ACOXL: variants seen among roughly 807,000 people sequenced by gnomAD.
ACOXL encodes acyl-coenzyme A oxidase-like protein.
In ACOXL, 70 loss-of-function variants were observed where a neutral mutation model predicts 71.9. The ratio of observed to expected loss-of-function variants is 0.97; its 90% CI spans 0.80 to 1.19. The LOEUF (loss-of-function observed/expected upper bound fraction) is 1.19, where lower values mean the gene tolerates loss of function less well. Ranked by LOEUF, ACOXL falls within the 50% of genes most tolerant of loss-of-function variation. The pLI is 0.00. For missense variants in ACOXL, 703 were observed against 736.3 expected (o/e 0.95, Z 0.52); for synonymous variants, 253 against 281.6 (o/e 0.90, Z 1.02).
intron 1 of ACOXL, among the ~76,000 whole-genome samples, chr2:110,736,164 G>T (rs1477470335): frequency 2.0e-5 from 3 of 152,096 alleles, no homozygotes; most frequent in Non-Finnish European, 4.4e-5. Flanking sequence ...AAATAATTTG[G>T]ACAACTTGAA....
chr2:110,798,554 G>A, intron 5 of ACOXL, 56 bp from the exon 6 acceptor site: 2 of 1,411,338 alleles, frequency 1.4e-6, no homozygotes, highest in Non-Finnish European at 2.0e-6. Context: ...TTTGAGCCAG[G>A]GAGTTGAAAT....
chr2:110,799,021 C>G lies in ACOXL; in HGVS notation c.468C>G (p.His156Gln). Reference sequence around the variant, plus strand: ...TCTCGATGCCTTCCTTAGGGCCCCACTGTTTCATCGTTCCTGTCCGGGATG... The same window carrying G: ...TCTCGATGCCTTCCTTAGGGCCCCAGTGTTTCATCGTTCCTGTCCGGGATG... ...LIIDGRSQGP[H>Q]CFIVPVRDEN... is the part of the protein sequence containing the mutation. The change falls in exon 7 of 18, where the codon CAC (histidine) becomes CAG (glutamine). Residue 156 changes from histidine to glutamine, a missense_variant. Transcript: ENST00000439055. 1 of 1,614,002 alleles carries G rather than the reference C, an allele frequency of 6.2e-7. No individual in the cohort carries two copies. Among genetic ancestry groups the G allele is most frequent in the Admixed American group, 1.7e-5 (1 of 60,010 alleles).
chr2:110,962,875 A>G (rs1243185563), intron 12 of ACOXL, among the ~76,000 whole-genome samples: 1 of 152,180 alleles, frequency 6.6e-6, no homozygotes, highest in East Asian at 1.9e-4. Flanking sequence ...ACGGGGGAGC[A>G]ATTCTGGATA....
At chr2:110,893,621 A>G (rs1036310874) in intron 10 of ACOXL, among the ~76,000 whole-genome samples, 1 of 152,190 alleles carries the variant, frequency 6.6e-6, no homozygotes, top group African/African-American at 2.4e-5. Flanking sequence ...CCCTAAGGAA[A>G]TAATCATGAA....
At chr2:110,787,985 ACTC>A (rs1206517308) in intron 3 of ACOXL, among the ~76,000 whole-genome samples, 1 of 152,138 alleles carries the variant, frequency 6.6e-6, no homozygotes, top group East Asian at 1.9e-4. Flanking sequence ...AAGAGGGAAA[ACTC>A]CTTGAAAACT....
intron 9 of ACOXL, among the ~76,000 whole-genome samples, chr2:110,820,318 G>A (rs1158170264): frequency 6.6e-6 from 1 of 152,182 alleles, no homozygotes; most frequent in Admixed American, 6.5e-5. Context: ...GGGAGAGGAA[G>A]TTAACTGAAG....
chr2:110,784,888 C>T (rs989281930), intron 3 of ACOXL, 73 bp downstream of exon 3: 71 of 1,399,220 alleles, frequency 5.1e-5, no homozygotes, highest in Non-Finnish European at 6.4e-5. Flanking sequence ...AAACTATAAC[C>T]CCGTGAGCTC....
intron 17 of ACOXL, among the ~76,000 whole-genome samples, chr2:111,110,304 C>T (rs2069855376): frequency 6.6e-6 from 1 of 152,136 alleles, no homozygotes; most frequent in African/African-American, 2.4e-5. Flanking sequence ...CCACCCACCC[C>T]ATCACACTAC....
At chr2:110,858,353 G>A (rs1232524287) in intron 10 of ACOXL, among the ~76,000 whole-genome samples, 1 of 152,164 alleles carries the variant, frequency 6.6e-6, no homozygotes, top group Non-Finnish European at 1.5e-5. Context: ...CCTACTCCCC[G>A]AGACAGACGT....
At chr2:110,863,304 A>T (rs1694175021) in intron 10 of ACOXL, among the ~76,000 whole-genome samples, 1 of 152,226 alleles carries the variant, frequency 6.6e-6, no homozygotes, top group Non-Finnish European at 1.5e-5. Flanking sequence ...GATGCTCATG[A>T]TATAATGTTG....
intron 14 of ACOXL, among the ~76,000 whole-genome samples, chr2:111,019,944 A>G (rs1211560938): frequency 6.6e-6 from 1 of 152,006 alleles, no homozygotes; most frequent in Admixed American, 6.6e-5. Context: ...CACTCCAACC[A>G]CTACCTCTCC....
intron 14 of ACOXL, among the ~76,000 whole-genome samples, chr2:111,014,683 A>G (rs768583879): frequency 1.2e-4 from 18 of 152,368 alleles, no homozygotes; most frequent in Admixed American, 2.6e-4. Flanking sequence ...TTCAAAAAAC[A>G]TTGAAGAAAT....
intron 11 of ACOXL, among the ~76,000 whole-genome samples, chr2:110,915,336 T>TATATATATATATATATATA (rs1558721442): frequency 1.6e-4 from 21 of 130,768 alleles, no homozygotes; most frequent in African/African-American, 2.2e-4. Flanking sequence ...TATATGCATT[T>TATATATATATATATATATA]TATATATATA....
chr2:110,785,400 G>GTGTGTGTGT (rs397934583), intron 3 of ACOXL, among the ~76,000 whole-genome samples: 1 of 150,718 alleles, frequency 6.6e-6, no homozygotes, highest in African/African-American at 2.4e-5. Context: ...GTGTGTGTGT[G>GTGTGTGTGT]GTTTTATGCA....
chr2:111,080,813 C>T (rs534111879), intron 16 of ACOXL, among the ~76,000 whole-genome samples: 8 of 152,326 alleles, frequency 5.3e-5, no homozygotes, highest in African/African-American at 1.9e-4. Flanking sequence ...CATCAAAAAG[C>T]TTATTCACCA....
intron 17 of ACOXL, among the ~76,000 whole-genome samples, chr2:111,116,718 G>A (rs941959426): frequency 6.6e-6 from 1 of 151,968 alleles, no homozygotes; most frequent in African/African-American, 2.4e-5. Flanking sequence ...GAAAAATGGA[G>A]TACAATGTGT....
chr2:111,106,287 C>T (rs2069535856), intron 17 of ACOXL, among the ~76,000 whole-genome samples: 1 of 152,188 alleles, frequency 6.6e-6, no homozygotes, highest in Non-Finnish European at 1.5e-5. Flanking sequence ...ACTGTCCCCT[C>T]CATTTTGCTG....
intron 17 of ACOXL, among the ~76,000 whole-genome samples, chr2:111,097,658 T>C (rs2068879289): frequency 6.6e-6 from 1 of 152,204 alleles, no homozygotes; most frequent in Non-Finnish European, 1.5e-5. Flanking sequence ...ATGATGGCAG[T>C]ATGTTCCAGG....
At chr2:111,004,002 T>C (rs2063761378) in intron 14 of ACOXL, among the ~76,000 whole-genome samples, 1 of 152,228 alleles carries the variant, frequency 6.6e-6, no homozygotes, top group Non-Finnish European at 1.5e-5. Context: ...GGCTTTTTGC[T>C]CAGCTAGCTG....
Sources: allele counts gnomAD v4.1 joint callset (sites outside exome capture counted in the v4.1 genomes callset), GRCh38; gene constraint gnomAD v4.1.1; transcripts MANE v1.5; gene names NCBI Gene and HGNC (gene_info 2026-07-23, HGNC 2026-07-21).